The following COL6A5 variants were observed in gnomAD, a reference collection of about 807,000 sequenced individuals.
COL6A5 encodes collagen type VI alpha 5 chain, also known as collagen alpha-5(VI) chain.
COL6A5 carries 48 observed loss-of-function variants against 65.6 expected under a neutral mutation model. That is an observed-to-expected ratio of 0.73 (90% CI 0.58 to 0.93). The LOEUF (loss-of-function observed/expected upper bound fraction) is 0.93. Ranked by LOEUF, COL6A5 falls within the 40% of genes least tolerant of loss-of-function variation. The probability of loss-of-function intolerance (pLI) is 0.00; values close to 1 mark genes in which losing one functional copy is unlikely to be tolerated. For synonymous variants in COL6A5, 291 were observed against 322.8 expected (o/e 0.90, Z 1.05); for missense variants, 914 against 928.3 (o/e 0.98, Z 0.20).
intron 4 of COL6A5, among the ~76,000 whole-genome samples, chr3:130,381,478 C>T (rs1168396216): frequency 6.6e-6 from 1 of 151,970 alleles, no homozygotes. Flanking sequence ...TATTTTTATG[C>T]ACAATCACGG....
chr3:130,440,582 A>G lies in COL6A5; in HGVS notation c.1000A>G (p.Ile334Val), dbSNP rs144537128. 3.7e-5 allele frequency: 60 copies of G among 1,613,600 alleles called. No individual in the cohort carries two copies. In the African/African-American group the frequency reaches 6.0e-4, roughly 16 times the overall value. Residue 334 changes from isoleucine to valine, a missense_variant, in exon 3 of 8, where the codon ATC becomes GTC. By Grantham distance (29) the Ile-to-Val change is conservative. Transcript: ENST00000512836. ...ACCCTATCTAAGAAAACACAAGGTC[A>G]TCTTTGTGGTCTCAGCTGGAGAAAA... is the stretch of plus-strand genomic sequence containing the variant.
chr3:130,435,527 G>A (rs1938005416), intron 1 of COL6A5, among the ~76,000 whole-genome samples: 1 of 152,108 alleles, frequency 6.6e-6, no homozygotes, highest in Admixed American at 6.6e-5. Flanking sequence ...AAATAACTTT[G>A]GGCAGTATGA....
intron 1 of COL6A5, among the ~76,000 whole-genome samples, chr3:130,353,546 A>G (rs746200478): frequency 6.6e-6 from 1 of 152,170 alleles, no homozygotes; most frequent in Non-Finnish European, 1.5e-5. Flanking sequence ...CCTAAATTAG[A>G]AGCAGCTAGA....
chr3:130,451,290 C>T (rs975085742), intron 4 of COL6A5, among the ~76,000 whole-genome samples: 13 of 151,976 alleles, frequency 8.6e-5, no homozygotes, highest in African/African-American at 2.9e-4. Flanking sequence ...ATGGAGTTGG[C>T]GTAGAAGTGA....
exon 5 of COL6A5, chr3:130,385,099 A>G (rs1936137165): frequency 6.4e-7 from 1 of 1,551,010 alleles, no homozygotes; most frequent in Non-Finnish European, 8.7e-7. Flanking sequence ...TGCAAATAAT[A>G]AAAAATGGAA....
At chr3:130,439,386 C>A in intron 1 of COL6A5, 136 bp from the exon 34 acceptor site, 2 of 565,242 alleles carry the variant, frequency 3.5e-6, no homozygotes, top group Non-Finnish European at 3.2e-6. Flanking sequence ...TGTGAACATG[C>A]ACTGAATGGA....
chr3:130,369,280 C>T (rs1935464899), intron 1 of COL6A5, among the ~76,000 whole-genome samples: 1 of 152,094 alleles, frequency 6.6e-6, no homozygotes, highest in Non-Finnish European at 1.5e-5. Flanking sequence ...CTATACTTTG[C>T]CATTACTTTT....
At chr3:130,414,186 G>A (rs989757507) in intron 22 of COL6A5, 55 bp downstream of exon 22, 42 of 1,288,272 alleles carry the variant, frequency 3.3e-5, no homozygotes, top group Middle Eastern at 3.7e-4. Context: ...ATTCTGATGG[G>A]AAGAAGGCAG....
chr3:130,456,301 A>G (rs1709570556), intron 5 of COL6A5, among the ~76,000 whole-genome samples: 1 of 152,142 alleles, frequency 6.6e-6, no homozygotes, highest in Admixed American at 6.5e-5. Flanking sequence ...ACAAAGGAGT[A>G]TGTCTATATT....
intron 1 of COL6A5, among the ~76,000 whole-genome samples, chr3:130,352,822 A>G (rs1451653324): frequency 6.6e-6 from 1 of 152,214 alleles, no homozygotes; most frequent in Non-Finnish European, 1.5e-5. Context: ...AAATTTTGCA[A>G]ACAGCAGGGT....
At chr3:130,350,873 G>T (rs1408757129) in intron 1 of COL6A5, among the ~76,000 whole-genome samples, 1 of 152,148 alleles carries the variant, frequency 6.6e-6, no homozygotes, top group Non-Finnish European at 1.5e-5. Flanking sequence ...TAAGCAAAAA[G>T]AACTAAGCTG....
chr3:130,361,721 C>G (rs923436986), intron 1 of COL6A5, among the ~76,000 whole-genome samples: 1 of 152,094 alleles, frequency 6.6e-6, no homozygotes. Flanking sequence ...CCTATTGTTT[C>G]ACATTCTTGC....
chr3:130,427,541 A>G (rs148165138), upstream of COL6A5, among the ~76,000 whole-genome samples: 5 of 152,220 alleles, frequency 3.3e-5, no homozygotes, highest in African/African-American at 9.6e-5. Context: ...GGAGAAGATG[A>G]TTAGTTTACA....
chr3:130,413,860 T>C (rs1937258870), intron 21 of COL6A5, among the ~76,000 whole-genome samples: 1 of 151,824 alleles, frequency 6.6e-6, no homozygotes. Context: ...GGGAATCAAC[T>C]TCAAGAGAGA....
At chr3:130,417,380 A>T (rs1345758108) in intron 24 of COL6A5, among the ~76,000 whole-genome samples, 1 of 152,136 alleles carries the variant, frequency 6.6e-6, no homozygotes, top group African/African-American at 2.4e-5. Context: ...CACCATCAGC[A>T]AGTCACCAGC....
intron 19 of COL6A5, 74 bp downstream of exon 19, chr3:130,410,148 C>A (rs903601137): frequency 5.4e-6 from 6 of 1,108,504 alleles, no homozygotes; most frequent in Non-Finnish European, 2.6e-6. Flanking sequence ...AGATATGTAA[C>A]CCTTCTGTAA....
At chr3:130,397,965 A>AT in intron 9 of COL6A5, 42 bp downstream of exon 9, 1 of 1,544,340 alleles carries the variant, frequency 6.5e-7, no homozygotes, top group East Asian at 2.4e-5. Flanking sequence ...ACATTCTCCC[A>AT]TTTGTTCTTC....
At chr3:130,405,652 G>A (rs1481771194) in exon 14 of COL6A5, 3 of 1,548,946 alleles carry the variant, frequency 1.9e-6, no homozygotes, top group Non-Finnish European at 2.6e-6. Flanking sequence ...GGGGCGTGGG[G>A]TCAGAAGGTA....
chr3:130,407,847 G>A (rs759732169), intron 17 of COL6A5, among the ~76,000 whole-genome samples: 1 of 152,158 alleles, frequency 6.6e-6, no homozygotes, highest in Non-Finnish European at 1.5e-5. Context: ...AGGAAGTCAG[G>A]GAACCCGAAC....
Sources: allele counts gnomAD v4.1 joint callset (sites outside exome capture counted in the v4.1 genomes callset), GRCh38; gene constraint gnomAD v4.1.1; transcripts MANE v1.5; gene names NCBI Gene and HGNC (gene_info 2026-07-23, HGNC 2026-07-21).